FGF14: variants seen among roughly 807,000 people sequenced by gnomAD.
FGF14 encodes fibroblast growth factor 14, also known as fibroblast growth factor homologous factor 4.
FGF14 carries 5 observed loss-of-function variants against 25.5 expected under a neutral mutation model. That is an observed-to-expected ratio of 0.20 (90% CI 0.10 to 0.41). FGF14 has a LOEUF of 0.41. Ranked by LOEUF, FGF14 falls within the 10% of genes least tolerant of loss-of-function variation. The probability of loss-of-function intolerance (pLI) is 1.00; values close to 1 mark genes in which losing one functional copy is unlikely to be tolerated. For missense variants in FGF14, 222 were observed against 320.1 expected (o/e 0.69, Z 2.34); for synonymous variants, 138 against 118.3 (o/e 1.17, Z -1.08).
chr13:102,198,102 A>G (rs1439987750), intron 1 of FGF14, among the ~76,000 whole-genome samples: 1 of 152,068 alleles, frequency 6.6e-6, no homozygotes, highest in African/African-American at 2.4e-5. Context: ...TTGTCATCTT[A>G]TGACTCTGGA....
intron 1 of FGF14, among the ~76,000 whole-genome samples, chr13:101,904,840 G>A (rs2032034713): frequency 6.6e-6 from 1 of 152,174 alleles, no homozygotes; most frequent in Admixed American, 6.5e-5. Context: ...GCAGTAGCAT[G>A]GGAACAGGAA....
chr13:102,003,524 TG>T (rs2039614879), intron 1 of FGF14, among the ~76,000 whole-genome samples: 5 of 152,222 alleles, frequency 3.3e-5, no homozygotes, highest in African/African-American at 1.2e-4. Flanking sequence ...AATGCTAAGC[TG>T]AGGGACCATA....
chr13:102,295,567 A>C (rs890424327), intron 1 of FGF14, among the ~76,000 whole-genome samples: 2 of 152,140 alleles, frequency 1.3e-5, no homozygotes, highest in Non-Finnish European at 2.9e-5. Context: ...AGCAGGCATA[A>C]TTATTCCCTC....
intron 1 of FGF14, among the ~76,000 whole-genome samples, chr13:101,890,924 C>T (rs1173718580): frequency 6.6e-6 from 1 of 151,908 alleles, no homozygotes; most frequent in Admixed American, 6.6e-5. Flanking sequence ...CTTTCAAGAG[C>T]CTTTTTTTTT....
chr13:102,046,573 T>G (rs1449334513), intron 1 of FGF14, among the ~76,000 whole-genome samples: 1 of 152,170 alleles, frequency 6.6e-6, no homozygotes, highest in Admixed American at 6.6e-5. Flanking sequence ...TAATGCACCG[T>G]TCTGTTAAAC....
intron 1 of FGF14, among the ~76,000 whole-genome samples, chr13:102,059,497 GAA>G (rs1187547665): frequency 1.3e-5 from 2 of 152,234 alleles, no homozygotes; most frequent in African/African-American, 4.8e-5. Flanking sequence ...CAAGGACTTA[GAA>G]AATGCAGGAA....
chr13:101,930,701 ACACACACACT>A (rs2034696492), intron 1 of FGF14, among the ~76,000 whole-genome samples: 1 of 152,194 alleles, frequency 6.6e-6, no homozygotes, highest in Non-Finnish European at 1.5e-5. Context: ...ATGCTCACTC[ACACACACACT>A]CACACACAGA....
chr13:101,917,384 A>G (rs2033641212), upstream of FGF14, among the ~76,000 whole-genome samples: 1 of 150,582 alleles, frequency 6.6e-6, no homozygotes, highest in Non-Finnish European at 1.5e-5. Context: ...AAAAATAATA[A>G]GAAAGAAAGC....
At chr13:102,368,559 C>T (rs72647500) in intron 1 of FGF14, among the ~76,000 whole-genome samples, 2 of 152,150 alleles carry the variant, frequency 1.3e-5, no homozygotes, top group Non-Finnish European at 2.9e-5. Flanking sequence ...CCCTGAGAAG[C>T]TAACATACTG....
chr13:101,829,234 C>A (rs2042555452), intron 3 of FGF14, among the ~76,000 whole-genome samples: 2 of 152,054 alleles, frequency 1.3e-5, no homozygotes, highest in South Asian at 2.1e-4. Flanking sequence ...TTAGACATCC[C>A]TGTGGAAGAA....
intron 1 of FGF14, among the ~76,000 whole-genome samples, chr13:102,356,991 T>C (rs1357357866): frequency 6.6e-6 from 1 of 151,154 alleles, no homozygotes; most frequent in Admixed American, 6.6e-5. Context: ...TTCTTAAATA[T>C]CTAGAAAGTT....
At chr13:101,970,060 G>A (rs1016394893) in intron 1 of FGF14, among the ~76,000 whole-genome samples, 12 of 152,160 alleles carry the variant, frequency 7.9e-5, no homozygotes, top group African/African-American at 2.9e-4. Flanking sequence ...GAATAATAGT[G>A]TGGCAGCTTT....
Position 101,721,947 on chromosome 13 carries a change from CT to C in FGF14, c.*883del, listed in dbSNP as rs2035023274. 4.0e-5 allele frequency: 6 copies of C among 151,638 alleles called. No individual in the cohort carries two copies. In the South Asian group the frequency reaches 1.2e-3, roughly 31 times the overall value. 9.4% of individuals were successfully genotyped at this position (151,638 alleles called of 1,614,324 possible). On this transcript the variant is annotated 3_prime_UTR_variant, in exon 5 of 5. Transcript: ENST00000376143. ...AGGCCTACAGAAATCTTTGGACCCA[CT>C]TTCTCAAAAACCAGTGGGTCTTGCT...
At chr13:101,981,369 G>T (rs2038253383) in intron 1 of FGF14, among the ~76,000 whole-genome samples, 1 of 152,106 alleles carries the variant, frequency 6.6e-6, no homozygotes, top group Admixed American at 6.6e-5. Flanking sequence ...CTACGAACCA[G>T]GAAACAGGCT....
intron 3 of FGF14, among the ~76,000 whole-genome samples, chr13:101,848,969 T>C (rs1460140962): frequency 1.3e-5 from 2 of 152,028 alleles, no homozygotes; most frequent in South Asian, 2.1e-4. Context: ...TGAAAAAAAG[T>C]GTATTGGACT....
At chr13:101,723,060 G>C (rs560562881) in intron 4 of FGF14, 93 bp from the exon 5 acceptor site, 4 of 1,478,186 alleles carry the variant, frequency 2.7e-6, no homozygotes, top group Non-Finnish European at 3.8e-6. Context: ...ACTGCAGTTT[G>C]CCCATTTCTG....
At chr13:102,227,233 C>T (rs1213009397) in intron 1 of FGF14, among the ~76,000 whole-genome samples, 1 of 152,048 alleles carries the variant, frequency 6.6e-6, no homozygotes, top group Non-Finnish European at 1.5e-5. Context: ...CTGTTACATA[C>T]TCTCTTGCTT....
chr13:102,010,064 G>A (rs2040000741), intron 1 of FGF14, among the ~76,000 whole-genome samples: 3 of 152,234 alleles, frequency 2.0e-5, no homozygotes, highest in Admixed American at 2.0e-4. Flanking sequence ...AGCAACAGTG[G>A]AGCAGAGGAA....
intron 1 of FGF14, among the ~76,000 whole-genome samples, chr13:102,316,784 C>T (rs2056044400): frequency 6.6e-6 from 1 of 152,096 alleles, no homozygotes; most frequent in African/African-American, 2.4e-5. Flanking sequence ...AATATTAACT[C>T]CTTTTTGCAC....
Sources: allele counts gnomAD v4.1 joint callset (sites outside exome capture counted in the v4.1 genomes callset), GRCh38; gene constraint gnomAD v4.1.1; transcripts MANE v1.5; gene names NCBI Gene and HGNC (gene_info 2026-07-23, HGNC 2026-07-21).